Variants in STK32B observed in about 807,000 individuals in gnomAD.
STK32B encodes serine/threonine kinase 32B.
STK32B carries 43 observed loss-of-function variants against 52.6 expected under a neutral mutation model. The observed-to-expected ratio is 0.82, with a 90% CI of 0.64 to 1.05. The LOEUF is 1.05. STK32B is among the 50% of genes least tolerant of loss of function. The pLI is 0.00. For missense variants in STK32B, 621 were observed against 534.6 expected (o/e 1.16, Z -1.59); for synonymous variants, 238 against 204.3 (o/e 1.17, Z -1.41).
At chr4:5,231,473 A>G (rs1333047326) in intron 3 of STK32B, among the ~76,000 whole-genome samples, 1 of 152,066 alleles carries the variant, frequency 6.6e-6, no homozygotes, top group Non-Finnish European at 1.5e-5. Context: ...GTAGCCAGGC[A>G]TGGTGGTGCA....
At chr4:5,218,824 G>C (rs942082115) in intron 3 of STK32B, among the ~76,000 whole-genome samples, 5 of 152,184 alleles carry the variant, frequency 3.3e-5, no homozygotes, top group Non-Finnish European at 7.3e-5. Flanking sequence ...GCGTGCTCTT[G>C]CCAGGCACGT....
At chr4:5,487,999 G>T (rs1011367464) in intron 11 of STK32B, among the ~76,000 whole-genome samples, 1 of 152,146 alleles carries the variant, frequency 6.6e-6, no homozygotes, top group African/African-American at 2.4e-5. Context: ...TGAATTTGAA[G>T]AATTCTAATT....
At chr4:5,311,484 A>T (rs990163465) in intron 3 of STK32B, among the ~76,000 whole-genome samples, 1 of 152,198 alleles carries the variant, frequency 6.6e-6, no homozygotes, top group African/African-American at 2.4e-5. Context: ...GAGAAAATCA[A>T]TGAAAGAATA....
At chr4:5,162,806 A>T (rs965539558) in intron 2 of STK32B, among the ~76,000 whole-genome samples, 1 of 152,120 alleles carries the variant, frequency 6.6e-6, no homozygotes, top group Non-Finnish European at 1.5e-5. Flanking sequence ...TAGCTCTTCT[A>T]TTTTGAAGTT....
At chr4:5,099,454 G>GCGCGCGCGCGCGCACA (rs1553823533) in intron 1 of STK32B, among the ~76,000 whole-genome samples, 1 of 129,744 alleles carries the variant, frequency 7.7e-6, no homozygotes, top group African/African-American at 2.6e-5. Flanking sequence ...GTGTGTGCGC[G>GCGCGCGCGCGCGCACA]CGCGCGTATG....
chr4:5,420,607 C>T (rs1040144394), intron 6 of STK32B, among the ~76,000 whole-genome samples: 13 of 152,094 alleles, frequency 8.5e-5, no homozygotes, highest in Non-Finnish European at 1.3e-4. Context: ...AGATGCAGCA[C>T]AGCCATGGAA....
At chr4:5,449,687 C>T (rs1309193911) in intron 7 of STK32B, among the ~76,000 whole-genome samples, 3 of 152,148 alleles carry the variant, frequency 2.0e-5, no homozygotes, top group Non-Finnish European at 4.4e-5. Flanking sequence ...GAGCTGCTCC[C>T]CGTCACTCAC....
intron 3 of STK32B, among the ~76,000 whole-genome samples, chr4:5,255,471 T>C (rs1726234178): frequency 6.6e-6 from 1 of 152,176 alleles, no homozygotes; most frequent in Non-Finnish European, 1.5e-5. Context: ...TGAATTGGTC[T>C]TAACCAGATA....
chr4:5,446,553 T>C (rs939274337), intron 6 of STK32B, 120 bp from the exon 7 acceptor site: 6 of 830,778 alleles, frequency 7.2e-6, no homozygotes, highest in Admixed American at 5.3e-5. Context: ...CAAAACTCTA[T>C]CTCAAAAAAA....
At chr4:5,050,640 T>A (rs908760087), upstream of STK32B, among the ~76,000 whole-genome samples, 7 of 152,024 alleles carry the variant, frequency 4.6e-5, no homozygotes, top group Non-Finnish European at 1.0e-4. Flanking sequence ...AGCCAAAGAT[T>A]CCCTGCAGTC....
intron 1 of STK32B, among the ~76,000 whole-genome samples, chr4:5,070,375 A>G (rs1711683606): frequency 6.6e-6 from 1 of 152,182 alleles, no homozygotes; most frequent in East Asian, 1.9e-4. Flanking sequence ...GGCAGCCCCT[A>G]TGGAGAGACT....
At chr4:5,289,685 A>ATTTTT (rs56211807) in intron 3 of STK32B, among the ~76,000 whole-genome samples, 2 of 86,850 alleles carry the variant, frequency 2.3e-5, no homozygotes, top group Non-Finnish European at 4.8e-5. Context: ...TGCCCGGCTA[A>ATTTTT]TTTTTTTTTT....
In STK32B at chr4:5,200,541, G is replaced by T. The variant is rs535484584; in HGVS notation, c.260+32091G>T. 2.9e-3 allele frequency among the ~76,000 whole-genome samples: 443 copies of T among 152,252 alleles called. 3 individuals carry two copies. Among genetic ancestry groups the T allele is most frequent in the African/African-American group, 0.01 (425 of 41,546 alleles). ...AGTAGAGCAGGCCCACAGGGATCGT[G>T]CGGCAGATGGGAGGGAGAGCACGGC... On this transcript the variant is annotated intron_variant, in intron 3 of 11. Transcript: ENST00000282908.
intron 4 of STK32B, among the ~76,000 whole-genome samples, chr4:5,356,782 G>A (rs1433215788): frequency 6.6e-6 from 1 of 152,050 alleles, no homozygotes; most frequent in African/African-American, 2.4e-5. Flanking sequence ...GTATCACCTG[G>A]GGTCAGGAGT....
chr4:5,484,777 A>G (rs1028588212), intron 11 of STK32B, among the ~76,000 whole-genome samples: 1 of 152,176 alleles, frequency 6.6e-6, no homozygotes, highest in African/African-American at 2.4e-5. Context: ...CTTTTAGGGC[A>G]GGCCTGGTGG....
At chr4:5,188,986 C>T (rs1440596738) in intron 3 of STK32B, among the ~76,000 whole-genome samples, 5 of 151,050 alleles carry the variant, frequency 3.3e-5, no homozygotes, top group African/African-American at 1.2e-4. Context: ...ACGTTGTGCA[C>T]GTGTACCCTA....
chr4:5,377,144 T>A (rs1045832958), intron 4 of STK32B, among the ~76,000 whole-genome samples: 1 of 152,046 alleles, frequency 6.6e-6, no homozygotes, highest in Non-Finnish European at 1.5e-5. Context: ...CTAGAGGGAG[T>A]CATTGGACTT....
At chr4:5,080,445 A>T (rs1328333282) in intron 1 of STK32B, among the ~76,000 whole-genome samples, 3 of 152,084 alleles carry the variant, frequency 2.0e-5, no homozygotes, top group Non-Finnish European at 2.9e-5. Context: ...TTGCATGACT[A>T]CTTCTTCCTG....
At chr4:5,233,287 C>G (rs1056100449) in intron 3 of STK32B, among the ~76,000 whole-genome samples, 2 of 152,096 alleles carry the variant, frequency 1.3e-5, no homozygotes, top group Non-Finnish European at 2.9e-5. Context: ...TAGGGTTAAC[C>G]TAGAGGATGT....
Sources: gnomAD v4.1 joint callset for allele counts (sites outside exome capture counted in the v4.1 genomes callset) on GRCh38, gnomAD v4.1.1 for gene constraint, MANE v1.5 for transcripts, NCBI Gene and HGNC (gene_info 2026-07-23, HGNC 2026-07-21) for gene names.